Variants in LUZP2 observed in about 807,000 individuals in gnomAD.
LUZP2 encodes leucine zipper protein 2.
Under a neutral mutation model 51.6 loss-of-function variants are expected in LUZP2, and 52 were observed. That is an observed-to-expected ratio of 1.01 (90% CI 0.81 to 1.27). The LOEUF is 1.27. LUZP2 is among the 50% of genes most tolerant of loss of function. The pLI is 0.00. For missense variants in LUZP2, 436 were observed against 395.4 expected, an observed-to-expected ratio of 1.10 and a Z score of -0.87; for synonymous variants, 154 against 137.3, an observed-to-expected ratio of 1.12 and a Z score of -0.85.
intron 9 of LUZP2, among the ~76,000 whole-genome samples, chr11:24,997,957 C>G (rs1590816834): frequency 6.6e-6 from 1 of 152,124 alleles, no homozygotes; most frequent in Non-Finnish European, 1.5e-5. Flanking sequence ...TCTGAGGGCT[C>G]TGTTCTGTTC....
rs149418388 is a variant in LUZP2, at chr11:24,856,661, G to C, written c.397-49330G>C. 8.2e-3 allele frequency among the ~76,000 whole-genome samples: 1,250 copies of C among 152,140 alleles called. 19 individuals are homozygous for C. The highest frequency in any genetic ancestry group is 0.029 in the South Asian group (142 of 4,826). On this transcript the variant is annotated intron_variant, in intron 5 of 11. Transcript: ENST00000336930. ...TCACAGTACTATTCACAATAGCAAA[G>C]ATATGGGTCAATAGAAGTGTCCATC...
intron 1 of LUZP2, among the ~76,000 whole-genome samples, chr11:24,677,220 G>A (rs761946967): frequency 1.1e-4 from 16 of 151,812 alleles, no homozygotes; most frequent in Non-Finnish European, 1.5e-4. Context: ...CTATTTTCTC[G>A]GAACTATTCT....
intron 1 of LUZP2, among the ~76,000 whole-genome samples, chr11:24,528,912 G>T (rs1850904333): frequency 6.6e-6 from 1 of 151,102 alleles, no homozygotes; most frequent in African/African-American, 2.4e-5. Flanking sequence ...TCTTTATTGA[G>T]TTTAGTATTA....
chr11:24,828,349 C>CT (rs1447119938), intron 5 of LUZP2, among the ~76,000 whole-genome samples: 1 of 152,078 alleles, frequency 6.6e-6, no homozygotes, highest in Non-Finnish European at 1.5e-5. Context: ...TTAGAGCCTA[C>CT]TTTAGATAGT....
rs1358880510 is a variant in LUZP2 at position 24,618,776 on chromosome 11, T to C, written c.63-110393T>C. Among the ~76,000 whole-genome samples the C allele has an allele frequency of 2.6e-5, 4 of 152,136 alleles. No individual in the cohort carries two copies. The East Asian group carries it at 7.7e-4, about 29-fold the overall frequency. ...ATATAATGGCCAGGGCTTTTAGTTGTATTTACTGGGAGAAACAGGGACAAG... is the reference window on the plus strand; with the variant it reads ...ATATAATGGCCAGGGCTTTTAGTTGCATTTACTGGGAGAAACAGGGACAAG... On this transcript the variant is annotated intron_variant, in intron 1 of 11. Coordinates refer to ENST00000336930, the MANE Select transcript of LUZP2 (RefSeq NM_001009909.4).
chr11:24,910,206 T>C (rs1853581561), intron 6 of LUZP2, among the ~76,000 whole-genome samples: 1 of 151,890 alleles, frequency 6.6e-6, no homozygotes, highest in South Asian at 2.1e-4. Context: ...CAAGAGGAAG[T>C]GGAGCATGAA....
At position 25,043,328 on chromosome 11, in the gene LUZP2, G is replaced by A. The variant is rs16913570; in HGVS notation, c.766-6710G>A. Among the ~76,000 whole-genome samples, 1,040 of 152,068 alleles carry A rather than the reference G, an allele frequency of 6.8e-3. 33 individuals are homozygous for A. The East Asian group carries it at 0.099, about 14-fold the overall frequency. On this transcript the variant is annotated intron_variant, in intron 9 of 11. Coordinates refer to ENST00000336930, the MANE Select transcript of LUZP2 (RefSeq NM_001009909.4). ...CCTCCACATTCTACCATTTAGCCCA[G>A]TACAGTGGTCAATCTTTTTTTAATC...
chr11:24,724,491 G>C (rs1269391600), intron 1 of LUZP2, among the ~76,000 whole-genome samples: 1 of 152,086 alleles, frequency 6.6e-6, no homozygotes, highest in African/African-American at 2.4e-5. Context: ...AGGATGGTTT[G>C]AGCCAAGAAG....
At chr11:24,507,066 T>G (rs1850165463) in intron 1 of LUZP2, among the ~76,000 whole-genome samples, 1 of 152,086 alleles carries the variant, frequency 6.6e-6, no homozygotes, top group Non-Finnish European at 1.5e-5. Context: ...AAATAAAGCC[T>G]TTATTATAAA....
At chr11:24,916,234 G>A (rs2133804677) in intron 7 of LUZP2, among the ~76,000 whole-genome samples, 1 of 152,146 alleles carries the variant, frequency 6.6e-6, no homozygotes, top group East Asian at 1.9e-4. Context: ...GTTGCCCAGA[G>A]ACTTGAGTTA....
At chr11:25,072,040 G>A (rs1211594114) in intron 10 of LUZP2, among the ~76,000 whole-genome samples, 1 of 151,922 alleles carries the variant, frequency 6.6e-6, no homozygotes, top group Non-Finnish European at 1.5e-5. Flanking sequence ...GTCTGTGATG[G>A]ATATTAATAT....
chr11:24,939,147 C>T lies in LUZP2; in HGVS notation c.522+24609C>T, dbSNP rs146901783. ...CCAGCATTTGGAAATCAAATTATCT[C>T]GGTTCTCTTTTAGTCATTTCACTAG... is the stretch of plus-strand genomic sequence containing the variant. On this transcript the variant is annotated intron_variant, in intron 7 of 11. Transcript: ENST00000336930. 6.7e-3 allele frequency among the ~76,000 whole-genome samples: 1,019 copies of T among 152,068 alleles called. 6 individuals are homozygous for T. Among genetic ancestry groups the T allele is most frequent in the African/African-American group, 0.019 (790 of 41,482 alleles).
At chr11:24,707,247 A>G (rs970045384) in intron 1 of LUZP2, among the ~76,000 whole-genome samples, 1 of 151,754 alleles carries the variant, frequency 6.6e-6, no homozygotes, top group East Asian at 1.9e-4. Flanking sequence ...ATTCAAATCT[A>G]TTCTGTAAAG....
chr11:24,909,050 C>T (rs957421105), intron 6 of LUZP2, among the ~76,000 whole-genome samples: 7 of 151,818 alleles, frequency 4.6e-5, no homozygotes, highest in East Asian at 1.9e-4. Context: ...CATGAGCCAC[C>T]GCACCCAGCC....
intron 9 of LUZP2, among the ~76,000 whole-genome samples, chr11:24,998,871 C>T (rs546190092): frequency 1.4e-4 from 22 of 151,974 alleles, no homozygotes; most frequent in African/African-American, 2.7e-4. Context: ...TGCATGCAGT[C>T]GATAACTAAA....
In LUZP2 at chr11:25,081,007, A is replaced by G. The variant is rs527717472; in HGVS notation, c.*2349A>G. 1.3e-5 allele frequency: 2 copies of G among 149,642 alleles called. No individual in the cohort carries two copies. Among genetic ancestry groups the G allele is most frequent in the African/African-American group, 4.9e-5 (2 of 40,742 alleles). The allele number at this position is 149,642 out of a possible 1,614,324, so 9.3% of individuals were successfully genotyped here. On this transcript the variant is annotated 3_prime_UTR_variant, in exon 12 of 12. Transcript: ENST00000336930. ...CCTTTTATTAATTCCTGGCTTGATC[A>G]AGTGGGCTTTGGATCCATATGATTT...
At chr11:24,829,025 A>G (rs1246216512) in intron 5 of LUZP2, among the ~76,000 whole-genome samples, 1 of 152,178 alleles carries the variant, frequency 6.6e-6, no homozygotes, top group Non-Finnish European at 1.5e-5. Context: ...AGGCATTGGC[A>G]TGATGAAACC....
intron 2 of LUZP2, among the ~76,000 whole-genome samples, chr11:24,730,291 A>C (rs1388060940): frequency 1.3e-5 from 2 of 151,850 alleles, no homozygotes; most frequent in African/African-American, 4.8e-5. Context: ...GAATTAGAGA[A>C]AAGTTAACAA....
intron 9 of LUZP2, among the ~76,000 whole-genome samples, chr11:24,988,599 T>A: frequency 6.6e-6 from 1 of 152,174 alleles, no homozygotes. Context: ...ATATAAAATA[T>A]GACTATGTAA....
Sources: gnomAD v4.1 joint callset for allele counts (sites outside exome capture counted in the v4.1 genomes callset) on GRCh38, gnomAD v4.1.1 for gene constraint, MANE v1.5 for transcripts, NCBI Gene and HGNC (gene_info 2026-07-23, HGNC 2026-07-21) for gene names.